LOC102723971: variants seen among roughly 807,000 people sequenced by gnomAD.
At chr9:135,614,835 G>A in the LOC102723971 span, among the ~76,000 whole-genome samples, 2 of 152,076 alleles carry the variant, frequency 1.3e-5, no homozygotes, top group Admixed American at 1.3e-4. Flanking sequence ...GTGCAGGGAT[G>A]GAGGGACACC....
the LOC102723971 span, chr9:135,618,187 G>T: frequency 2.5e-6 from 1 of 395,344 alleles, no homozygotes; most frequent in Non-Finnish European, 4.5e-6. Flanking sequence ...GGCTGCTTCA[G>T]GGGCTGCCGG....
the LOC102723971 span, among the ~76,000 whole-genome samples, chr9:135,615,853 C>T: frequency 6.6e-6 from 1 of 152,248 alleles, no homozygotes; most frequent in South Asian, 2.1e-4. Context: ...TGGGCCCACA[C>T]CCCTTCCGGC....
At chr9:135,616,941 A>T in the LOC102723971 span, 4 of 398,544 alleles carry the variant, frequency 1.0e-5, no homozygotes, top group Non-Finnish European at 1.3e-5. Context: ...ATGCTTCGTC[A>T]GCACCGACTA....
the LOC102723971 span, chr9:135,615,305 A>G: frequency 2.5e-6 from 1 of 392,400 alleles, no homozygotes; most frequent in African/African-American, 2.1e-5. Flanking sequence ...ATGTGGAGGG[A>G]GTGCCACACA....
At chr9:135,619,737 C>T in the LOC102723971 span, among the ~76,000 whole-genome samples, 6 of 152,046 alleles carry the variant, frequency 3.9e-5, no homozygotes, top group African/African-American at 1.4e-4. Context: ...CAGGGCTGCC[C>T]ATCGGCAGGG....
the LOC102723971 span, among the ~76,000 whole-genome samples, chr9:135,617,342 C>T: frequency 1.3e-5 from 2 of 152,162 alleles, no homozygotes; most frequent in Non-Finnish European, 2.9e-5. Context: ...TCCTTGTCTT[C>T]CTCCTTATCA....
At chr9:135,619,124 C>T in the LOC102723971 span, among the ~76,000 whole-genome samples, 11 of 152,120 alleles carry the variant, frequency 7.2e-5, no homozygotes, top group Non-Finnish European at 1.3e-4. Context: ...CTGAGCCCAA[C>T]CCTGCCTCTC....
At chr9:135,615,336 C>G in the LOC102723971 span, 6,053 of 398,226 alleles carry the variant, frequency 0.015, 73 homozygotes, top group Middle Eastern at 0.024. Flanking sequence ...AGCTGGCCTC[C>G]TCTGCCCCGG....
chr9:135,617,836 T>C, the LOC102723971 span: 18 of 396,098 alleles, frequency 4.5e-5, no homozygotes, highest in African/African-American at 3.5e-4. Context: ...AGTGGTGGGG[T>C]GGCCGATGCC....
the LOC102723971 span, chr9:135,614,488 G>T: frequency 2.5e-6 from 1 of 396,650 alleles, no homozygotes; most frequent in Non-Finnish European, 4.4e-6. Flanking sequence ...AGCTCTGGAG[G>T]GTGAGCTGCA....
the LOC102723971 span, among the ~76,000 whole-genome samples, chr9:135,618,676 C>A: frequency 1.1e-4 from 17 of 151,224 alleles, no homozygotes; most frequent in Non-Finnish European, 2.4e-4. Context: ...GGAACAGGAG[C>A]CAAGCAGAGG....
At chr9:135,619,617 G>T in the LOC102723971 span, among the ~76,000 whole-genome samples, 115 of 152,260 alleles carry the variant, frequency 7.6e-4, 1 homozygote, top group African/African-American at 2.7e-3. Context: ...CAGCGGGGCT[G>T]CCAGGTAAAC....
the LOC102723971 span, among the ~76,000 whole-genome samples, chr9:135,618,518 G>A: frequency 1.3e-5 from 2 of 152,086 alleles, no homozygotes; most frequent in African/African-American, 2.4e-5. Context: ...TACCTGATTT[G>A]TTAGAGGCAA....
At chr9:135,614,412 G>T in the LOC102723971 span, 1 of 395,702 alleles carries the variant, frequency 2.5e-6, no homozygotes, top group Non-Finnish European at 4.5e-6. Flanking sequence ...GTGTCACATT[G>T]AGGAGGTGCA....
chr9:135,618,029 G>A, the LOC102723971 span: 27 of 398,592 alleles, frequency 6.8e-5, no homozygotes, highest in Non-Finnish European at 1.2e-4. Flanking sequence ...GAAAGCCCCG[G>A]TCTTCAACAT....
the LOC102723971 span, among the ~76,000 whole-genome samples, chr9:135,615,682 C>T: frequency 6.6e-6 from 1 of 152,234 alleles, no homozygotes. Context: ...CACAGCCCGG[C>T]CCCGGAGGCA....
chr9:135,614,245 C>A, the LOC102723971 span: 2 of 398,514 alleles, frequency 5.0e-6, no homozygotes, highest in Non-Finnish European at 8.8e-6. Context: ...GAGCCATGGC[C>A]CTGGAGAAAG....
chr9:135,616,758 G>C, the LOC102723971 span: 1 of 398,586 alleles, frequency 2.5e-6, no homozygotes, highest in African/African-American at 2.1e-5. Context: ...ACTCAGAAGG[G>C]GTTGTCGGCT....
At chr9:135,614,495 T>C in the LOC102723971 span, 1 of 396,436 alleles carries the variant, frequency 2.5e-6, no homozygotes, top group Non-Finnish European at 4.4e-6. Context: ...GAGGGTGAGC[T>C]GCACCTGGGT....
Sources: gnomAD v4.1 joint callset for allele counts (sites outside exome capture counted in the v4.1 genomes callset) on GRCh38, gnomAD v4.1.1 for gene constraint, MANE v1.5 for transcripts.